The following MDGA2 variants were observed in gnomAD, a reference collection of about 807,000 sequenced individuals.
The protein encoded by MDGA2 is MAM domain containing glycosylphosphatidylinositol anchor 2.
Under a neutral mutation model 117.8 loss-of-function variants are expected in MDGA2, and 40 were observed. That is an observed-to-expected ratio of 0.34 (90% confidence interval 0.26 to 0.44). The LOEUF (loss-of-function observed/expected upper bound fraction) is 0.44. Among genes scored for constraint, MDGA2 ranks in the 20% least tolerant of loss-of-function variants. The pLI is 1.00. For missense variants in MDGA2, 1,123 were observed against 1,250.6 expected (o/e 0.90, Z 1.54); for synonymous variants, 452 against 439.0 (o/e 1.03, Z -0.37).
At chr14:46,979,190 T>C (rs1886576110) in intron 8 of MDGA2, among the ~76,000 whole-genome samples, 1 of 152,110 alleles carries the variant, frequency 6.6e-6, no homozygotes, top group Admixed American at 6.6e-5. Context: ...GTTATTTCTA[T>C]TATTGTTTTG....
chr14:47,137,156 T>C (rs117344463), intron 4 of MDGA2, among the ~76,000 whole-genome samples: 2,141 of 152,312 alleles, frequency 0.014, 37 homozygotes, highest in South Asian at 0.063. Flanking sequence ...GGTGGTAATA[T>C]TGATATTACA....
At chr14:47,553,506 T>A (rs1895626262) in intron 1 of MDGA2, among the ~76,000 whole-genome samples, 2 of 152,242 alleles carry the variant, frequency 1.3e-5, no homozygotes, top group Non-Finnish European at 1.5e-5. Context: ...AATAGCTAAT[T>A]TTTTCAAATA....
chr14:47,112,041 C>G (rs1018108447), intron 5 of MDGA2, among the ~76,000 whole-genome samples: 2 of 151,918 alleles, frequency 1.3e-5, no homozygotes, highest in Non-Finnish European at 2.9e-5. Context: ...TATCATGAAC[C>G]TGTAATATGA....
chr14:47,254,747 A>T (rs1020588022), intron 2 of MDGA2, among the ~76,000 whole-genome samples: 1 of 152,170 alleles, frequency 6.6e-6, no homozygotes, highest in Admixed American at 6.5e-5. Context: ...CCCCATTACC[A>T]GTACCAATTT....
chr14:47,103,210 T>G (rs1880441408), intron 5 of MDGA2, among the ~76,000 whole-genome samples: 1 of 152,228 alleles, frequency 6.6e-6, no homozygotes, highest in Non-Finnish European at 1.5e-5. Context: ...GAAACATGCT[T>G]AAACTGTGCT....
intron 1 of MDGA2, among the ~76,000 whole-genome samples, chr14:47,508,352 A>ACTCTCTCTCT (rs3039658): frequency 0.077 from 10,255 of 132,604 alleles, 599 homozygotes; most frequent in African/African-American, 0.14. Flanking sequence ...TTGCTGATTG[A>ACTCTCTCTCT]CTCTCTCTCT....
At chr14:47,517,738 TGAA>T (rs1468606115) in intron 1 of MDGA2, among the ~76,000 whole-genome samples, 2 of 152,162 alleles carry the variant, frequency 1.3e-5, no homozygotes, top group East Asian at 3.9e-4. Context: ...TCAAACATCA[TGAA>T]GAATAGCTTA....
chr14:47,502,876 C>G (rs555804205), intron 1 of MDGA2, among the ~76,000 whole-genome samples: 4 of 152,124 alleles, frequency 2.6e-5, no homozygotes, highest in African/African-American at 9.6e-5. Flanking sequence ...GAGAAGGGGT[C>G]TGGCTTTGTT....
chr14:46,902,091 G>T (rs1883308787), intron 10 of MDGA2, among the ~76,000 whole-genome samples: 1 of 151,972 alleles, frequency 6.6e-6, no homozygotes, highest in Non-Finnish European at 1.5e-5. Context: ...TTTTCCCCTT[G>T]TTTTACAAGA....
At chr14:47,601,809 G>A (rs191737662) in intron 1 of MDGA2, among the ~76,000 whole-genome samples, 2 of 152,252 alleles carry the variant, frequency 1.3e-5, no homozygotes, top group East Asian at 1.9e-4. Flanking sequence ...ATATGAAAGC[G>A]AGTCTGTGTA....
intron 1 of MDGA2, among the ~76,000 whole-genome samples, chr14:47,557,126 G>A (rs1895699572): frequency 6.6e-6 from 1 of 152,134 alleles, no homozygotes; most frequent in South Asian, 2.1e-4. Context: ...TTTGTAGAAA[G>A]TAGGTACATA....
intron 1 of MDGA2, among the ~76,000 whole-genome samples, chr14:47,307,390 A>T (rs903228311): frequency 6.6e-6 from 1 of 152,144 alleles, no homozygotes; most frequent in Admixed American, 6.5e-5. Context: ...TTATCAAAAA[A>T]TTTGACAGGG....
At chr14:47,271,599 G>A (rs1342677669) in intron 2 of MDGA2, among the ~76,000 whole-genome samples, 1 of 152,108 alleles carries the variant, frequency 6.6e-6, no homozygotes, top group Non-Finnish European at 1.5e-5. Context: ...AAAAGTCAGA[G>A]TTCCCGTCCC....
chr14:47,539,932 CCAT>C (rs1895303471), intron 1 of MDGA2, among the ~76,000 whole-genome samples: 1 of 152,248 alleles, frequency 6.6e-6, no homozygotes, highest in Non-Finnish European at 1.5e-5. Context: ...ACTAGCAAAT[CCAT>C]TCAGGGCATC....
At chr14:46,850,880 T>C (rs1235005585) in intron 15 of MDGA2, among the ~76,000 whole-genome samples, 17 of 151,824 alleles carry the variant, frequency 1.1e-4, no homozygotes, top group Non-Finnish European at 1.0e-4. Context: ...TGAGCTGCAA[T>C]TGGTAAATGT....
chr14:47,669,614 C>A (rs116279035), intron 1 of MDGA2, among the ~76,000 whole-genome samples: 6,857 of 152,168 alleles, frequency 0.045, 142 homozygotes, highest in Middle Eastern at 0.068. Context: ...AGCAGCCCAG[C>A]CACTTTTCTT....
intron 7 of MDGA2, among the ~76,000 whole-genome samples, chr14:47,055,361 A>G (rs1889637723): frequency 1.3e-5 from 2 of 152,040 alleles, no homozygotes; most frequent in Admixed American, 1.3e-4. Context: ...AATGTGAGCT[A>G]ATAAGATCTA....
chr14:47,646,131 T>A (rs4900793), intron 1 of MDGA2, among the ~76,000 whole-genome samples: 3 of 149,194 alleles, frequency 2.0e-5, no homozygotes, highest in Admixed American at 6.7e-5. Flanking sequence ...GACTACGTCA[T>A]GTAAACTTTC....
chr14:46,861,620 T>A (rs1361963723), intron 14 of MDGA2, among the ~76,000 whole-genome samples: 1 of 152,016 alleles, frequency 6.6e-6, no homozygotes, highest in South Asian at 2.1e-4. Context: ...TTTACTTGTT[T>A]GATAAGAAAA....
Sources: gnomAD v4.1 joint callset for allele counts (sites outside exome capture counted in the v4.1 genomes callset) on GRCh38, gnomAD v4.1.1 for gene constraint, MANE v1.5 for transcripts, NCBI Gene and HGNC (gene_info 2026-07-23, HGNC 2026-07-21) for gene names.